The following MRPS28 variants were observed in gnomAD, a reference collection of about 807,000 sequenced individuals.
MRPS28 encodes the protein small ribosomal subunit protein bS1m.
A neutral mutation model predicts 10.8 loss-of-function variants in MRPS28; 7 were observed. That is an observed-to-expected ratio of 0.65 (90% CI 0.37 to 1.22). MRPS28 has a LOEUF of 1.22. Ranked by LOEUF, MRPS28 falls within the 50% of genes most tolerant of loss-of-function variation. The pLI is 0.02. For synonymous variants in MRPS28, 121 were observed against 93.3 expected, an observed-to-expected ratio of 1.30 and a Z score of -1.71; for missense variants, 265 against 232.9, an observed-to-expected ratio of 1.14 and a Z score of -0.90.
intron 1 of MRPS28, among the ~76,000 whole-genome samples, chr8:80,004,881 T>C (rs1370083243): frequency 2.0e-5 from 3 of 152,120 alleles, no homozygotes; most frequent in Non-Finnish European, 4.4e-5. Context: ...GAAGAAAGGG[T>C]ATCAGTGATT....
intron 2 of MRPS28, chr8:79,958,532 T>A: frequency 3.5e-6 from 2 of 572,322 alleles, no homozygotes; most frequent in Admixed American, 3.4e-5. Context: ...AACAATTTTT[T>A]AAAAGGCATT....
At chr8:79,978,600 A>C (rs966696900) in intron 2 of MRPS28, among the ~76,000 whole-genome samples, 7 of 152,238 alleles carry the variant, frequency 4.6e-5, no homozygotes, top group African/African-American at 1.7e-4. Context: ...TCCTTGAAAA[A>C]AGACAGGATA....
In MRPS28 at chr8:79,994,894, C is replaced by T. The variant is rs116263525; in HGVS notation, c.395+8105G>A. Among the ~76,000 whole-genome samples, 325 of 152,218 alleles carry T rather than the reference C, an allele frequency of 2.1e-3. 5 individuals are homozygous for T. Among genetic ancestry groups the T allele is most frequent in the African/African-American group, 7.1e-3 (293 of 41,532 alleles). ...CTTGAATTCCCAGAAGAGGCAGCCT[C>T]TCTCTCATTTAAAACTTGTTCAAGT... On this transcript the variant is annotated intron_variant, in intron 2 of 2. Transcript: ENST00000276585.
intron 1 of MRPS28, among the ~76,000 whole-genome samples, chr8:80,018,505 G>C (rs942193881): frequency 6.6e-6 from 1 of 152,112 alleles, no homozygotes; most frequent in African/African-American, 2.4e-5. Context: ...TGAGGATGTG[G>C]AGAAAAGGGA....
At chr8:79,930,975 T>C (rs1267073084) in intron 2 of MRPS28, among the ~76,000 whole-genome samples, 2 of 152,182 alleles carry the variant, frequency 1.3e-5, no homozygotes, top group Admixed American at 6.5e-5. Context: ...TTGATGGAAA[T>C]AGGATGTTGA....
intron 2 of MRPS28, chr8:79,958,577 AG>A: frequency 1.8e-6 from 1 of 567,330 alleles, no homozygotes; most frequent in South Asian, 2.3e-5. Flanking sequence ...GATTTTGTTG[AG>A]TTTTTCTTTA....
chr8:80,008,031 G>T lies in MRPS28; in HGVS notation c.214-4851C>A, dbSNP rs1261376959. On this transcript the variant is annotated intron_variant, in intron 1 of 2. Coordinates refer to ENST00000276585, the MANE Select transcript of MRPS28 (RefSeq NM_014018.3). ...TACCTGACTTCAAACTACGCTACAAGGCTACAGTAACCAAAATAGCATGAT... is the reference window on the plus strand; with the variant it reads ...TACCTGACTTCAAACTACGCTACAATGCTACAGTAACCAAAATAGCATGAT... Among the ~76,000 whole-genome samples, 3 of 152,236 alleles carry T rather than the reference G, an allele frequency of 2.0e-5. 1 individual carries two copies. The highest frequency in any genetic ancestry group is 4.4e-5 in the Non-Finnish European group (3 of 68,016).
At chr8:79,979,331 C>A (rs536185561) in intron 2 of MRPS28, among the ~76,000 whole-genome samples, 1 of 151,976 alleles carries the variant, frequency 6.6e-6, no homozygotes, top group African/African-American at 2.4e-5. Flanking sequence ...TATTCCCAGT[C>A]TCCTTCTCAC....
rs114533848 is a variant in MRPS28, at chr8:79,925,661, T to G, written c.396-6513A>C. On this transcript the variant is annotated intron_variant, in intron 2 of 2. Transcript: ENST00000276585. Reference sequence around the variant, plus strand: ...ATGGTATCAATTATGACAGTTATAATTTTTTCTCAAGTTACAAAAGAAGAT... The same window carrying G: ...ATGGTATCAATTATGACAGTTATAAGTTTTTCTCAAGTTACAAAAGAAGAT... Among the ~76,000 whole-genome samples the G allele has an allele frequency of 5.9e-3, 901 of 152,256 alleles. 14 individuals carry two copies. The highest frequency in any genetic ancestry group is 0.02 in the African/African-American group (841 of 41,540).
At chr8:79,940,457 A>C (rs1253834944) in intron 2 of MRPS28, among the ~76,000 whole-genome samples, 1 of 152,196 alleles carries the variant, frequency 6.6e-6, no homozygotes, top group Non-Finnish European at 1.5e-5. Context: ...TCTCTTACCA[A>C]ATTTGTTTCT....
intron 2 of MRPS28, among the ~76,000 whole-genome samples, chr8:79,984,199 A>C (rs998291350): frequency 6.6e-6 from 1 of 152,222 alleles, no homozygotes; most frequent in African/African-American, 2.4e-5. Flanking sequence ...AGGACAAATA[A>C]AATCCTTTAC....
intron 2 of MRPS28, chr8:79,956,574 T>A (rs1432036145): frequency 6.6e-6 from 1 of 152,182 alleles, no homozygotes; most frequent in Admixed American, 6.5e-5. Flanking sequence ...TATTATTTCA[T>A]CACCCAGGTA....
chr8:79,955,709 T>G (rs1042793209), intron 2 of MRPS28, among the ~76,000 whole-genome samples: 1 of 152,190 alleles, frequency 6.6e-6, no homozygotes, highest in South Asian at 2.1e-4. Context: ...TGCAAGAAAC[T>G]ACTCCAAATT....
intron 2 of MRPS28, among the ~76,000 whole-genome samples, chr8:79,983,930 A>C (rs1808063157): frequency 6.6e-6 from 1 of 152,200 alleles, no homozygotes; most frequent in South Asian, 2.1e-4. Flanking sequence ...AAAACGCCAC[A>C]AAGATACTCC....
chr8:80,019,181 A>G (rs553070803), intron 1 of MRPS28, among the ~76,000 whole-genome samples: 10 of 151,854 alleles, frequency 6.6e-5, no homozygotes, highest in African/African-American at 2.4e-4. Context: ...GTATATTTAA[A>G]AATAACTAAA....
intron 1 of MRPS28, among the ~76,000 whole-genome samples, chr8:80,024,654 G>T (rs1180897547): frequency 2.6e-5 from 4 of 152,162 alleles, no homozygotes; most frequent in African/African-American, 9.7e-5. Context: ...TAGGCCATCT[G>T]AGATGCTATT....
intron 1 of MRPS28, among the ~76,000 whole-genome samples, chr8:80,028,145 A>C (rs1809537617): frequency 6.6e-6 from 1 of 152,226 alleles, no homozygotes; most frequent in Non-Finnish European, 1.5e-5. Flanking sequence ...CTTACTATAC[A>C]TGTGATGCTA....
chr8:79,985,743 G>A (rs189022715), intron 2 of MRPS28, among the ~76,000 whole-genome samples: 3,437 of 152,212 alleles, frequency 0.023, 146 homozygotes, highest in African/African-American at 0.078. Flanking sequence ...TTGACTCTCT[G>A]AATAGACCAA....
intron 2 of MRPS28, among the ~76,000 whole-genome samples, chr8:79,967,588 CAT>C (rs1275156612): frequency 1.3e-5 from 2 of 152,164 alleles, no homozygotes; most frequent in African/African-American, 4.8e-5. Flanking sequence ...CAGCAAGCAA[CAT>C]GTGCTACGTG....
Sources: gnomAD v4.1 joint callset for allele counts (sites outside exome capture counted in the v4.1 genomes callset) on GRCh38, gnomAD v4.1.1 for gene constraint, MANE v1.5 for transcripts, NCBI Gene and HGNC (gene_info 2026-07-23, HGNC 2026-07-21) for gene names.